The following NPR2 variants were observed in gnomAD, a reference collection of about 807,000 sequenced individuals.
The protein encoded by NPR2 is natriuretic peptide receptor 2, also known as atrial natriuretic peptide receptor 2.
A neutral mutation model predicts 120.7 loss-of-function variants in NPR2; 49 were observed. The observed-to-expected ratio is 0.41, with a 90% confidence interval of 0.32 to 0.52. The LOEUF (loss-of-function observed/expected upper bound fraction) is 0.52, where lower values mean the gene tolerates loss of function less well. Among genes scored for constraint, NPR2 ranks in the 20% least tolerant of loss-of-function variants. The probability of loss-of-function intolerance (pLI) is 0.36; values close to 1 mark genes in which losing one functional copy is unlikely to be tolerated. For missense variants in NPR2, 931 were observed against 1,362.9 expected (o/e 0.68, Z 4.99); for synonymous variants, 484 against 519.8 (o/e 0.93, Z 0.94).
At chr9:35,796,593 A>G (rs1001483073) in intron 2 of NPR2, among the ~76,000 whole-genome samples, 5 of 152,224 alleles carry the variant, frequency 3.3e-5, no homozygotes, top group Non-Finnish European at 7.3e-5. Flanking sequence ...CTAGTCATCC[A>G]ATAATCAGTT....
At chr9:35,798,946 C>A (rs1362952172) in intron 2 of NPR2, among the ~76,000 whole-genome samples, 1 of 152,180 alleles carries the variant, frequency 6.6e-6, no homozygotes, top group African/African-American at 2.4e-5. Context: ...TGTGACACAT[C>A]TATTACTCAG....
In NPR2 at chr9:35,802,187, CT is replaced by C; in HGVS notation, c.1633-16del. 6.5e-7 allele frequency: 1 copy of C among 1,548,376 alleles called. No homozygotes were observed. The highest frequency in any genetic ancestry group is 8.9e-7 in the Non-Finnish European group (1 of 1,120,190). On this transcript the variant is annotated intron_variant, in intron 9 of 21. Coordinates refer to ENST00000342694, the MANE Select transcript of NPR2 (RefSeq NM_003995.4). The surrounding 1 kb of genome is among the most constrained non-coding windows in gnomAD (Gnocchi z 4.2). ...CTTCTGATATTCACTTTCCTTTCCCCTTTCACTCCCACCATCAGGGAAATGT... is the reference window on the plus strand; with the variant it reads ...CTTCTGATATTCACTTTCCTTTCCCCTTCACTCCCACCATCAGGGAAATGT...
Position 35,802,640 on chromosome 9 carries a change from G to A in NPR2, c.1815+33G>A. 6.7e-7 allele frequency: 1 copy of A among 1,493,078 alleles called. No individual in the cohort carries two copies. The highest frequency in any genetic ancestry group is 9.3e-7 in the Non-Finnish European group (1 of 1,069,758). 92.5% of individuals were successfully genotyped at this position (1,493,078 alleles called of 1,614,324 possible). Reference sequence around the variant, plus strand: ...ATAGGTGTAGGAGATTATGGCAGGGGTGGGAAGGATAGACCCAAAGTTATA... The same window carrying A: ...ATAGGTGTAGGAGATTATGGCAGGGATGGGAAGGATAGACCCAAAGTTATA... On this transcript the variant is annotated intron_variant, in intron 11 of 21. Coordinates refer to ENST00000342694, the MANE Select transcript of NPR2 (RefSeq NM_003995.4). This position sits in a 1 kb window ranked among gnomAD's most constrained non-coding sequence, Gnocchi z 4.2.
At position 35,809,048 on chromosome 9, in the gene NPR2, T is replaced by C; in HGVS notation, c.2987-108T>C. On this transcript the variant is annotated intron_variant, in intron 20 of 21. Transcript: ENST00000342694. This position sits in a 1 kb window ranked among gnomAD's most constrained non-coding sequence, Gnocchi z 4.1. ...GTCCTAATAGATATGCATTGGGAGC[T>C]TCCCAGGGATGGTTGGTCGGGCACG... The C allele has an allele frequency of 8.6e-7, 1 of 1,158,422 alleles. No individual in the cohort carries two copies. The highest frequency in any genetic ancestry group is 1.3e-6 in the Non-Finnish European group (1 of 768,776). The allele number at this position is 1,158,422 out of a possible 1,614,324, so 71.8% of individuals were successfully genotyped here.
chr9:35,800,508 A>G lies in NPR2; in HGVS notation c.1218+25A>G. On this transcript the variant is annotated intron_variant, in intron 5 of 21. Transcript: ENST00000342694. This position sits in a 1 kb window ranked among gnomAD's most constrained non-coding sequence, Gnocchi z 4.7. Reference sequence around the variant, plus strand: ...GGTGATGGAGGAGGAGGCAGGGAAGAGAGTGTGGCCCTGCAAAATCCAGCT... The same window carrying G: ...GGTGATGGAGGAGGAGGCAGGGAAGGGAGTGTGGCCCTGCAAAATCCAGCT... 6.3e-7 allele frequency: 1 copy of G among 1,597,364 alleles called. No homozygotes were observed. Among genetic ancestry groups the G allele is most frequent in the Non-Finnish European group, 8.6e-7 (1 of 1,164,882 alleles).
rs897171604 is a variant in NPR2, at chr9:35,801,155, G to T, written c.1436+1G>T. The stretch of plus-strand genomic sequence containing the variant: ...GTGTTTCCAGCTTCCTAATTTTCCG[G>T]TGAGTTCTGGGTTTCTTGCTGACCT... On this transcript the variant is annotated splice_donor_variant, in intron 7 of 21. Coordinates refer to ENST00000342694, the MANE Select transcript of NPR2 (RefSeq NM_003995.4). LOFTEE classifies it high-confidence loss of function. 2.5e-6 allele frequency: 4 copies of T among 1,612,062 alleles called. No individual in the cohort carries two copies. The highest frequency in any genetic ancestry group is 3.4e-6 in the Non-Finnish European group (4 of 1,178,222).
intron 2 of NPR2, among the ~76,000 whole-genome samples, chr9:35,794,953 A>G (rs1390026106): frequency 6.6e-6 from 1 of 152,076 alleles, no homozygotes; most frequent in African/African-American, 2.4e-5. Flanking sequence ...GGGTGAGGTG[A>G]TATAGCTTGA....
chr9:35,808,516 C>T lies in NPR2; in HGVS notation c.2720C>T (p.Thr907Met), dbSNP rs1311857509. The change falls in exon 19 of 22, where the codon ACG (threonine) becomes ATG (methionine). Residue 907 changes from threonine (T) to methionine (M), a missense_variant. Physicochemically the swap from Thr to Met is moderately conservative, Grantham distance 81. Transcript: ENST00000342694. The surrounding 1 kb of genome is among the most constrained non-coding windows in gnomAD (Gnocchi z 4.0). ...AATCCCCCTCTCAATCAGGTGGAGA[C>T]GATTGGGGATGCTTACATGGTGGTA... is the stretch of plus-strand genomic sequence containing the variant. ...IDNFDVYKVE[T>M]IGDAYMVVSG... 3.7e-6 allele frequency: 6 copies of T among 1,613,812 alleles called. No individual in the cohort carries two copies. The highest frequency in any genetic ancestry group is 1.1e-5 in the South Asian group (1 of 91,090).
chr9:35,805,506 T>C lies in NPR2; in HGVS notation c.1888-5T>C. The stretch of plus-strand genomic sequence containing the variant: ...CAATCCCATGACTTGATCTGTACCC[T>C]GCAGGGCATGGCCTTTCTCCACAAC... On this transcript the variant is annotated splice_polypyrimidine_tract_variant and splice_region_variant and intron_variant, in intron 12 of 21. Transcript: ENST00000342694. The surrounding 1 kb of genome is among the most constrained non-coding windows in gnomAD (Gnocchi z 4.9). The C allele has an allele frequency of 1.2e-6, 2 of 1,614,178 alleles. No individual in the cohort carries two copies. Among genetic ancestry groups the C allele is most frequent in the Non-Finnish European group, 8.5e-7 (1 of 1,179,996 alleles).
chr9:35,808,426 TG>T lies in NPR2; in HGVS notation c.2713-81del. 2 of 1,473,006 alleles carry T rather than the reference TG, an allele frequency of 1.4e-6. No homozygotes were observed. The highest frequency in any genetic ancestry group is 2.3e-5 in the South Asian group (2 of 87,006). The allele number at this position is 1,473,006 out of a possible 1,614,324, so 91.2% of individuals were successfully genotyped here. A position where few individuals can be genotyped will look rare whatever the true frequency, so the allele number is the denominator to read the frequency against. ...TCCAGCATGTCAGGATGATTAATGA[TG>T]GTGTCAAGCTTGTCTCCCTCTACTT... On this transcript the variant is annotated intron_variant, in intron 18 of 21. Transcript: ENST00000342694. The surrounding 1 kb of genome is among the most constrained non-coding windows in gnomAD (Gnocchi z 4.0).
At chr9:35,793,537 C>G (rs1268125095) in intron 1 of NPR2, among the ~76,000 whole-genome samples, 3 of 152,134 alleles carry the variant, frequency 2.0e-5, no homozygotes, top group Non-Finnish European at 4.4e-5. Context: ...AAAGCTCATA[C>G]TGAGAAATCT....
Position 35,808,991 on chromosome 9 carries a change from TA to T in NPR2, c.2986+139del. ...ATCCTCGGGCATATTTTGGTTCTAATAGATATGCATTGGGAGGTTGGGCATA... is the reference window on the plus strand; with the variant it reads ...ATCCTCGGGCATATTTTGGTTCTAATGATATGCATTGGGAGGTTGGGCATA... On this transcript the variant is annotated intron_variant, in intron 20 of 21. Coordinates refer to ENST00000342694, the MANE Select transcript of NPR2 (RefSeq NM_003995.4). This position sits in a 1 kb window ranked among gnomAD's most constrained non-coding sequence, Gnocchi z 4.0. 1 of 928,064 alleles carries T rather than the reference TA, an allele frequency of 1.1e-6. No individual in the cohort carries two copies. Among genetic ancestry groups the T allele is most frequent in the Non-Finnish European group, 1.8e-6 (1 of 561,954 alleles). 57.5% of individuals were successfully genotyped at this position (928,064 alleles called of 1,614,324 possible).
intron 18 of NPR2, chr9:35,807,950 C>T (rs1828498188): frequency 1.8e-6 from 1 of 558,568 alleles, no homozygotes; most frequent in Admixed American, 3.3e-5. Flanking sequence ...ATGGAAAGTA[C>T]CTAACATTGT....
chr9:35,802,175 C>A lies in NPR2; in HGVS notation c.1633-31C>A. ...TTGTACCCAGAACTTCTGATATTCA[C>A]TTTCCTTTCCCCTTTCACTCCCACC... On this transcript the variant is annotated intron_variant, in intron 9 of 21. Coordinates refer to ENST00000342694, the MANE Select transcript of NPR2 (RefSeq NM_003995.4). This position sits in a 1 kb window ranked among gnomAD's most constrained non-coding sequence, Gnocchi z 4.2. 6.8e-7 allele frequency: 1 copy of A among 1,475,480 alleles called. No individual in the cohort carries two copies. The highest frequency in any genetic ancestry group is 9.5e-7 in the Non-Finnish European group (1 of 1,053,640). 91.4% of individuals were successfully genotyped at this position (1,475,480 alleles called of 1,614,324 possible).
At position 35,802,475 on chromosome 9, in the gene NPR2, T is replaced by C. The variant is rs1458578438; in HGVS notation, c.1711-28T>C. 7.4e-7 allele frequency: 1 copy of C among 1,346,960 alleles called. No homozygotes were observed. Among genetic ancestry groups the C allele is most frequent in the Non-Finnish European group, 1.1e-6 (1 of 936,060 alleles). 83.4% of individuals were successfully genotyped at this position (1,346,960 alleles called of 1,614,324 possible). On this transcript the variant is annotated intron_variant, in intron 10 of 21. Transcript: ENST00000342694. The surrounding 1 kb of genome is among the most constrained non-coding windows in gnomAD (Gnocchi z 4.2). ...TAATTTTTAACTCTTTCAATTTTCT[T>C]ATCCTTCCCATTGTTTTTTTCTGCC...
Position 35,806,352 on chromosome 9 carries a change from A to G in NPR2, c.2373-40A>G. 1 of 1,612,832 alleles carries G rather than the reference A, an allele frequency of 6.2e-7. No homozygotes were observed. Among genetic ancestry groups the G allele is most frequent in the Non-Finnish European group, 8.5e-7 (1 of 1,178,868 alleles). On this transcript the variant is annotated intron_variant, in intron 15 of 21. Coordinates refer to ENST00000342694, the MANE Select transcript of NPR2 (RefSeq NM_003995.4). The surrounding 1 kb of genome is among the most constrained non-coding windows in gnomAD (Gnocchi z 4.6). ...TGGATAGGAAGTCCTGGGAATCTTCAGAATCTTAGAGCAAGTGCCTTATCC... is the reference window on the plus strand; with the variant it reads ...TGGATAGGAAGTCCTGGGAATCTTCGGAATCTTAGAGCAAGTGCCTTATCC...
intron 2 of NPR2, among the ~76,000 whole-genome samples, chr9:35,798,234 C>T (rs1024488056): frequency 4.6e-5 from 7 of 152,186 alleles, no homozygotes; most frequent in African/African-American, 9.6e-5. Flanking sequence ...GATCTTTTCT[C>T]GCCCTTTTCC....
chr9:35,809,066 C>A lies in NPR2; in HGVS notation c.2987-90C>A, dbSNP rs79072753. On this transcript the variant is annotated intron_variant, in intron 20 of 21. Coordinates refer to ENST00000342694, the MANE Select transcript of NPR2 (RefSeq NM_003995.4). This position sits in a 1 kb window ranked among gnomAD's most constrained non-coding sequence, Gnocchi z 4.1. ...TGGGAGCTTCCCAGGGATGGTTGGTCGGGCACGGTGCTATACAGTATCACC... is the reference window on the plus strand; with the variant it reads ...TGGGAGCTTCCCAGGGATGGTTGGTAGGGCACGGTGCTATACAGTATCACC... 4.5e-5 allele frequency: 57 copies of A among 1,275,052 alleles called. No individual in the cohort carries two copies. The African/African-American group carries it at 8.0e-4, about 18-fold the overall frequency. 79.0% of individuals were successfully genotyped at this position (1,275,052 alleles called of 1,614,324 possible).
chr9:35,792,230 C>G lies in NPR2; in HGVS notation c.-179C>G. 2.2e-6 allele frequency: 1 copy of G among 458,582 alleles called. No individual in the cohort carries two copies. Among genetic ancestry groups the G allele is most frequent in the Non-Finnish European group, 3.9e-6 (1 of 257,566 alleles). 28.4% of individuals were successfully genotyped at this position (458,582 alleles called of 1,614,324 possible). On this transcript the variant is annotated 5_prime_UTR_variant, in exon 1 of 22. Transcript: ENST00000342694. ...CCACTCCTTGCCCGCCCCCCGCCTTCCTCCCATCTCCCCCTCCTCTCCCCG... is the reference window on the plus strand; with the variant it reads ...CCACTCCTTGCCCGCCCCCCGCCTTGCTCCCATCTCCCCCTCCTCTCCCCG...
Sources: allele counts gnomAD v4.1 joint callset (sites outside exome capture counted in the v4.1 genomes callset), GRCh38; gene constraint gnomAD v4.1.1; non-coding constraint Gnocchi (gnomAD v3.1); transcripts MANE v1.5; gene names NCBI Gene and HGNC (gene_info 2026-07-23, HGNC 2026-07-21).